Variants in SIRPG observed in about 807,000 individuals in gnomAD.
SIRPG encodes the protein signal-regulatory protein gamma.
A neutral mutation model predicts 35.7 loss-of-function variants in SIRPG; 38 were observed. The ratio of observed to expected loss-of-function variants is 1.06; its 90% confidence interval spans 0.82 to 1.40. SIRPG has a LOEUF of 1.40. Among genes scored for constraint, SIRPG ranks in the 40% most tolerant of loss-of-function variants. The pLI, the probability that SIRPG is intolerant of heterozygous loss-of-function variation, is 0.00. For missense variants in SIRPG, 519 were observed against 483.0 expected (o/e 1.07, Z -0.70); for synonymous variants, 215 against 190.4 (o/e 1.13, Z -1.06).
chr20:1,671,641 C>T, the SIRPG span, among the ~76,000 whole-genome samples: 2 of 152,084 alleles, frequency 1.3e-5, no homozygotes, highest in African/African-American at 4.8e-5. Flanking sequence ...GAGCTGAGAG[C>T]CTTGAACAGA....
At chr20:1,630,408 C>T in intron 4 of SIRPG, 102 bp from the exon 5 acceptor site, 1 of 859,076 alleles carries the variant, frequency 1.2e-6, no homozygotes, top group Non-Finnish European at 1.8e-6. Context: ...CCCATCTATG[C>T]CCCACCTTTG....
chr20:1,634,111 G>A (rs939606501), intron 4 of SIRPG, among the ~76,000 whole-genome samples: 2 of 152,092 alleles, frequency 1.3e-5, no homozygotes, highest in Non-Finnish European at 2.9e-5. Flanking sequence ...TAGTAAATTT[G>A]CAGAGGGGTT....
chr20:1,649,123 A>G lies in SIRPG; in HGVS notation c.359T>C (p.Val120Ala). Residue 120 changes from valine (V) to alanine (A), a missense_variant, in exon 2 of 6, where the codon GTG becomes GCG. Transcript: ENST00000303415. ...TPADVGTYYC[V>A]KFRKGSPENV... is the part of the protein sequence containing the mutation. ...CTCAGGGCTCCCTTTTCGAAACTTC[A>G]CACAGTAGTATGTGCCGACATCTGC... 1 of 1,613,936 alleles carries G rather than the reference A, an allele frequency of 6.2e-7. No individual in the cohort carries two copies. The highest frequency in any genetic ancestry group is 8.5e-7 in the Non-Finnish European group (1 of 1,179,890).
chr20:1,649,632 T>C (rs2091925349), intron 1 of SIRPG, among the ~76,000 whole-genome samples: 1 of 51,588 alleles, frequency 1.9e-5, no homozygotes, highest in South Asian at 4.9e-4. Context: ...AGAGGTTCTT[T>C]TTTTTTTTTT....
At chr20:1,658,504 A>G (rs548721243), upstream of SIRPG, among the ~76,000 whole-genome samples, 2 of 152,282 alleles carry the variant, frequency 1.3e-5, no homozygotes, top group Admixed American at 6.5e-5. Flanking sequence ...TTCTACACAC[A>G]GAGCACCTAT....
chr20:1,631,100 A>G (rs867571720), intron 4 of SIRPG, among the ~76,000 whole-genome samples: 2 of 152,210 alleles, frequency 1.3e-5, no homozygotes, highest in Non-Finnish European at 2.9e-5. Context: ...CATTTTTAAC[A>G]TGAGCAGTTC....
chr20:1,675,756 A>G, the SIRPG span, among the ~76,000 whole-genome samples: 7 of 152,268 alleles, frequency 4.6e-5, no homozygotes, highest in Non-Finnish European at 7.3e-5. Context: ...CTGTTTAGAA[A>G]TAACTCCAAG....
chr20:1,639,338 T>C (rs1270857127), intron 2 of SIRPG, among the ~76,000 whole-genome samples: 6 of 152,192 alleles, frequency 3.9e-5, no homozygotes, highest in Non-Finnish European at 7.3e-5. Context: ...TGGTATCTCA[T>C]TGTGGTTTTG....
intron 2 of SIRPG, among the ~76,000 whole-genome samples, chr20:1,640,090 T>C: frequency 6.6e-6 from 1 of 152,154 alleles, no homozygotes; most frequent in Non-Finnish European, 1.5e-5. Flanking sequence ...CTTAGGATTG[T>C]CTTGGCTATA....
At chr20:1,637,121 A>G (rs760318876) in intron 2 of SIRPG, 26 of 173,852 alleles carry the variant, frequency 1.5e-4, no homozygotes, top group Non-Finnish European at 3.4e-4. Context: ...TCTTTAATCC[A>G]GACTTGACAT....
At chr20:1,630,791 T>C (rs2091743595) in intron 4 of SIRPG, 2 of 154,606 alleles carry the variant, frequency 1.3e-5, no homozygotes, top group Admixed American at 6.5e-5. Context: ...TTTTAATGAC[T>C]ATAAAAGGGT....
chr20:1,667,742 C>CAT, the SIRPG span, among the ~76,000 whole-genome samples: 2 of 152,332 alleles, frequency 1.3e-5, no homozygotes, highest in East Asian at 3.9e-4. Flanking sequence ...TCATACATTG[C>CAT]ATAGCTCATT....
At chr20:1,653,335 A>G (rs1238682831) in intron 1 of SIRPG, among the ~76,000 whole-genome samples, 3 of 152,240 alleles carry the variant, frequency 2.0e-5, no homozygotes, top group African/African-American at 7.2e-5. Context: ...TCTACCTTGT[A>G]TATAATGATC....
At chr20:1,638,839 C>CAACT (rs2091826496) in intron 2 of SIRPG, among the ~76,000 whole-genome samples, 1 of 148,488 alleles carries the variant, frequency 6.7e-6, no homozygotes, top group East Asian at 2.1e-4. Context: ...TCACATTGTG[C>CAACT]AACTCCCACT....
intron 4 of SIRPG, among the ~76,000 whole-genome samples, chr20:1,634,530 T>C (rs1568723879): frequency 6.6e-6 from 1 of 152,034 alleles, no homozygotes; most frequent in Non-Finnish European, 1.5e-5. Context: ...CATTTGTCTT[T>C]CTGAAACATA....
At chr20:1,671,907 C>T in the SIRPG span, among the ~76,000 whole-genome samples, 1 of 152,314 alleles carries the variant, frequency 6.6e-6, no homozygotes, top group East Asian at 1.9e-4. Flanking sequence ...TCCAGTAAAC[C>T]CACAACCGTC....
chr20:1,656,758 G>A (rs2091978616), intron 1 of SIRPG, among the ~76,000 whole-genome samples: 1 of 152,182 alleles, frequency 6.6e-6, no homozygotes, highest in Non-Finnish European at 1.5e-5. Context: ...AGATGGTGGT[G>A]CCTGTTATGG....
chr20:1,635,278 T>A lies in SIRPG; in HGVS notation c.1070A>T (p.Asp357Val). The A allele has an allele frequency of 1.9e-6, 3 of 1,609,036 alleles. No homozygotes were observed. The highest frequency in any genetic ancestry group is 2.6e-6 in the Non-Finnish European group (3 of 1,175,854). The change falls in exon 4 of 6, where the codon GAT (aspartate) becomes GTT (valine). Residue 357 changes from aspartate (D) to valine (V), a missense_variant. Asp to Val is a radical substitution (Grantham distance 152). Coordinates refer to ENST00000303415, the MANE Select transcript of SIRPG (RefSeq NM_018556.4). ...VTVHQKDQSSDATPGPASSLT... is the reference protein window; with the variant it reads ...VTVHQKDQSSVATPGPASSLT... The stretch of plus-strand genomic sequence containing the variant: ...TTGAGTAACCTCACCAGGGGTAGCA[T>A]CTGAGCTCTGGTCCTTCTGGTGGAC...
At chr20:1,650,786 G>C (rs1391630358) in intron 1 of SIRPG, among the ~76,000 whole-genome samples, 1 of 152,136 alleles carries the variant, frequency 6.6e-6, no homozygotes, top group Non-Finnish European at 1.5e-5. Context: ...CTCAAGGATA[G>C]AATCTGAGAC....
Sources: gnomAD v4.1 joint callset for allele counts (sites outside exome capture counted in the v4.1 genomes callset) on GRCh38, gnomAD v4.1.1 for gene constraint, MANE v1.5 for transcripts, NCBI Gene and HGNC (gene_info 2026-07-23, HGNC 2026-07-21) for gene names.